SGCZ: variants seen among roughly 807,000 people sequenced by gnomAD.
SGCZ encodes sarcoglycan zeta.
Under a neutral mutation model 41.3 loss-of-function variants are expected in SGCZ, and 40 were observed. The ratio of observed to expected loss-of-function variants is 0.97; its 90% confidence interval spans 0.75 to 1.26. The LOEUF (loss-of-function observed/expected upper bound fraction) is 1.26. SGCZ is among the 50% of genes most tolerant of loss of function. SGCZ has a pLI of 0.00. For synonymous variants in SGCZ, 206 were observed against 137.5 expected, an observed-to-expected ratio of 1.50 and a Z score of -3.49; for missense variants, 552 against 369.8, an observed-to-expected ratio of 1.49 and a Z score of -4.04.
intron 2 of SGCZ, among the ~76,000 whole-genome samples, chr8:14,367,153 G>A (rs527815015): frequency 2.0e-5 from 3 of 152,020 alleles, no homozygotes; most frequent in Non-Finnish European, 4.4e-5. Flanking sequence ...CAGATCTTCG[G>A]GACAGGGGCC....
Position 14,133,384 on chromosome 8 carries a change from T to C in SGCZ, c.548-25149A>G, listed in dbSNP as rs185770008. ...TGCATTGTTTTTTGAGCAATTCCAT[T>C]CCATTTTCCAGGAAGATTTTATGGC... On this transcript the variant is annotated intron_variant, in intron 5 of 7. Transcript: ENST00000382080. 5.6e-3 allele frequency among the ~76,000 whole-genome samples: 846 copies of C among 152,310 alleles called. 6 individuals are homozygous for C. The highest frequency in any genetic ancestry group is 0.019 in the African/African-American group (805 of 41,570).
intron 1 of SGCZ, among the ~76,000 whole-genome samples, chr8:15,212,445 G>C (rs1294513916): frequency 6.6e-6 from 1 of 152,086 alleles, no homozygotes; most frequent in African/African-American, 2.4e-5. Flanking sequence ...AAGGCGTCTT[G>C]CAGAGTGGTT....
At chr8:14,708,163 C>T (rs1324670643) in intron 1 of SGCZ, among the ~76,000 whole-genome samples, 1 of 151,628 alleles carries the variant, frequency 6.6e-6, no homozygotes, top group Non-Finnish European at 1.5e-5. Flanking sequence ...ATTAGACTTT[C>T]AATTTTCATT....
At chr8:14,935,450 C>G (rs1483641427) in intron 1 of SGCZ, among the ~76,000 whole-genome samples, 1 of 150,102 alleles carries the variant, frequency 6.7e-6, no homozygotes, top group Admixed American at 6.6e-5. Context: ...ATAAATAATC[C>G]TACTGTGAGA....
At chr8:14,825,633 G>A (rs879288975) in intron 1 of SGCZ, among the ~76,000 whole-genome samples, 1 of 152,070 alleles carries the variant, frequency 6.6e-6, no homozygotes, top group African/African-American at 2.4e-5. Flanking sequence ...CCCCACATAA[G>A]CTTTATCTTA....
At chr8:14,264,504 G>T (rs1799804046) in intron 3 of SGCZ, among the ~76,000 whole-genome samples, 1 of 152,116 alleles carries the variant, frequency 6.6e-6, no homozygotes, top group African/African-American at 2.4e-5. Flanking sequence ...GCAAACCTCA[G>T]CTTAGGCTGC....
chr8:14,765,967 CT>C (rs59212700), intron 1 of SGCZ, among the ~76,000 whole-genome samples: 21,942 of 141,444 alleles, frequency 0.16, 2,315 homozygotes, highest in African/African-American at 0.32. Flanking sequence ...ATATGATAGT[CT>C]TTTTTTTTTT....
intron 3 of SGCZ, among the ~76,000 whole-genome samples, chr8:14,254,440 G>C (rs1242441202): frequency 6.6e-6 from 1 of 152,188 alleles, no homozygotes; most frequent in African/African-American, 2.4e-5. Flanking sequence ...TGGGGGCCAG[G>C]TGTAGGTAGA....
chr8:15,108,101 T>C (rs1420726212), intron 1 of SGCZ, among the ~76,000 whole-genome samples: 1 of 152,232 alleles, frequency 6.6e-6, no homozygotes, highest in Non-Finnish European at 1.5e-5. Context: ...TGAATTCTAC[T>C]ACTTTCTGTT....
intron 1 of SGCZ, among the ~76,000 whole-genome samples, chr8:14,737,127 A>T (rs1043386398): frequency 1.7e-5 from 2 of 120,862 alleles, no homozygotes; most frequent in Non-Finnish European, 3.4e-5. Flanking sequence ...TTATATCTAT[A>T]TACTGGATAT....
At chr8:14,990,732 A>T (rs983626224) in intron 1 of SGCZ, among the ~76,000 whole-genome samples, 10 of 152,158 alleles carry the variant, frequency 6.6e-5, no homozygotes, top group Admixed American at 6.5e-4. Context: ...AAGGCAAGGT[A>T]CTTGAATCAT....
chr8:14,381,185 A>C (rs928415326), intron 2 of SGCZ, among the ~76,000 whole-genome samples: 3 of 152,242 alleles, frequency 2.0e-5, no homozygotes, highest in Non-Finnish European at 4.4e-5. Context: ...TTAATTATTA[A>C]TGGTCAAGTA....
chr8:14,868,618 C>T (rs1403829991), intron 1 of SGCZ, among the ~76,000 whole-genome samples: 1 of 151,904 alleles, frequency 6.6e-6, no homozygotes, highest in African/African-American at 2.4e-5. Context: ...CCAGTTTAAG[C>T]CATTACAAAG....
chr8:15,101,022 A>G (rs1366700868), intron 1 of SGCZ, among the ~76,000 whole-genome samples: 1 of 152,152 alleles, frequency 6.6e-6, no homozygotes, highest in African/African-American at 2.4e-5. Context: ...CATTTGTAAT[A>G]AAAAACAAAT....
At chr8:14,968,567 A>G (rs1389508589) in intron 1 of SGCZ, among the ~76,000 whole-genome samples, 3 of 152,262 alleles carry the variant, frequency 2.0e-5, no homozygotes, top group Middle Eastern at 3.4e-3. Flanking sequence ...CACTCAATGT[A>G]TAATTAAAAT....
chr8:14,609,035 G>A (rs1284491850), intron 1 of SGCZ, among the ~76,000 whole-genome samples: 2 of 152,072 alleles, frequency 1.3e-5, no homozygotes, highest in African/African-American at 4.8e-5. Context: ...GCTCTTTCAT[G>A]TGTTTTGCAG....
intron 2 of SGCZ, among the ~76,000 whole-genome samples, chr8:14,465,876 T>C (rs915547509): frequency 5.3e-5 from 8 of 151,894 alleles, no homozygotes; most frequent in African/African-American, 1.9e-4. Flanking sequence ...TACATTAGTC[T>C]CTTATGAGGA....
In SGCZ at chr8:14,614,157, G is replaced by C. The variant is rs1479553378; in HGVS notation, c.40-59231C>G. On this transcript the variant is annotated intron_variant, in intron 1 of 7. Coordinates refer to ENST00000382080, the MANE Select transcript of SGCZ (RefSeq NM_139167.4). ...CAGAACAATTTCCCTAATGTCCGTT[G>C]CTAAATTAAATGTGTTGTCAAGAAA... Among the ~76,000 whole-genome samples the C allele has an allele frequency of 2.6e-5, 4 of 152,088 alleles. No individual in the cohort carries two copies. The East Asian group carries it at 7.7e-4, about 29-fold the overall frequency.
intron 1 of SGCZ, among the ~76,000 whole-genome samples, chr8:14,676,009 T>TTG (rs1408411035): frequency 6.6e-6 from 1 of 152,142 alleles, no homozygotes; most frequent in African/African-American, 2.4e-5. Flanking sequence ...TCTGTACTGT[T>TTG]AGGTGCACGT....
Sources: gnomAD v4.1 joint callset for allele counts (sites outside exome capture counted in the v4.1 genomes callset) on GRCh38, gnomAD v4.1.1 for gene constraint, MANE v1.5 for transcripts, NCBI Gene and HGNC (gene_info 2026-07-23, HGNC 2026-07-21) for gene names.